Variants in GDAP2 observed in about 807,000 individuals in gnomAD.
The protein encoded by GDAP2 is ganglioside-induced differentiation-associated protein 2.
Under a neutral mutation model 67.0 loss-of-function variants are expected in GDAP2, and 51 were observed. That is an observed-to-expected ratio of 0.76 (90% CI 0.61 to 0.96). The LOEUF (loss-of-function observed/expected upper bound fraction) is 0.96. GDAP2 is among the 40% of genes least tolerant of loss of function. The probability of loss-of-function intolerance (pLI) is 0.00; values close to 1 mark genes in which losing one functional copy is unlikely to be tolerated. For missense variants in GDAP2, 547 were observed against 588.3 expected, an observed-to-expected ratio of 0.93 and a Z score of 0.73; for synonymous variants, 203 against 207.3, an observed-to-expected ratio of 0.98 and a Z score of 0.18.
chr1:117,884,918 A>T (rs997807179), intron 10 of GDAP2, among the ~76,000 whole-genome samples: 1 of 151,324 alleles, frequency 6.6e-6, no homozygotes, highest in Non-Finnish European at 1.5e-5. Flanking sequence ...GGTTTGGGAG[A>T]TCTTGCAACC....
At chr1:117,903,852 T>C (rs1205861702) in intron 6 of GDAP2, among the ~76,000 whole-genome samples, 1 of 152,148 alleles carries the variant, frequency 6.6e-6, no homozygotes, top group Non-Finnish European at 1.5e-5. Flanking sequence ...CAAAGATGAA[T>C]GTAAGGAGAC....
chr1:117,869,031 T>C lies in GDAP2; in HGVS notation c.*1538A>G, dbSNP rs965300144. 1 of 152,170 alleles carries C rather than the reference T, an allele frequency of 6.6e-6. No homozygotes were observed. Among genetic ancestry groups the C allele is most frequent in the Non-Finnish European group, 1.5e-5 (1 of 68,034 alleles). 9.4% of individuals were successfully genotyped at this position (152,170 alleles called of 1,614,324 possible). A position where few individuals can be genotyped will look rare whatever the true frequency, so the allele number is the denominator to read the frequency against. On this transcript the variant is annotated 3_prime_UTR_variant, in exon 14 of 14. Coordinates refer to ENST00000369443, the MANE Select transcript of GDAP2 (RefSeq NM_017686.4). ...TCATAAATGAAGAGAATATGTTTCT[T>C]TGATCTCCAATGAAGAATTAGTTTG...
chr1:117,899,096 G>T lies in GDAP2; in HGVS notation c.757C>A (p.Arg253=), dbSNP rs372395282. The change falls in exon 7 of 14, where the codon CGA becomes AGA. Residue 253 remains arginine (R), a synonymous_variant. Transcript: ENST00000369443. ...NAEGEPVVPE[R]QIRISEKPGA... ...GGTTTCTCACTTATTCTAATCTGTC[G>T]TTCAGGTACCACAGGCTCCCCTTCT... 1 of 1,613,034 alleles carries T rather than the reference G, an allele frequency of 6.2e-7. No homozygotes were observed. The highest frequency in any genetic ancestry group is 1.7e-5 in the Admixed American group (1 of 59,986).
intron 6 of GDAP2, among the ~76,000 whole-genome samples, chr1:117,904,032 G>A (rs1024390111): frequency 2.7e-5 from 4 of 148,022 alleles, no homozygotes; most frequent in African/African-American, 1.0e-4. Context: ...CTGTCACCCC[G>A]ACTAAAGTCA....
intron 1 of GDAP2, among the ~76,000 whole-genome samples, chr1:117,920,646 G>T (rs61806135): frequency 0.35 from 52,124 of 149,318 alleles, 10,592 homozygotes; most frequent in Non-Finnish European, 0.46. Context: ...TCTTTTCAAA[G>T]AATTACAGCC....
At chr1:117,928,585 A>G (rs1485092612) in intron 1 of GDAP2, among the ~76,000 whole-genome samples, 2 of 152,246 alleles carry the variant, frequency 1.3e-5, no homozygotes, top group African/African-American at 4.8e-5. Flanking sequence ...CTATGCTGCT[A>G]CAGCTGTCCA....
rs1648071399 is a variant in GDAP2, at chr1:117,866,661, C to T, written c.*3908G>A. ...CTGAGGTCAGGAATTCGAGAGCAGCCTGGCCAACATGGTGAAACCCCGTCT... is the reference window on the plus strand; with the variant it reads ...CTGAGGTCAGGAATTCGAGAGCAGCTTGGCCAACATGGTGAAACCCCGTCT... On this transcript the variant is annotated 3_prime_UTR_variant, in exon 14 of 14. Coordinates refer to ENST00000369443, the MANE Select transcript of GDAP2 (RefSeq NM_017686.4). The T allele has an allele frequency of 6.6e-6, 1 of 152,102 alleles. No homozygotes were observed. The highest frequency in any genetic ancestry group is 2.4e-5 in the African/African-American group (1 of 41,382). The allele number at this position is 152,102 out of a possible 1,614,324, so 9.4% of individuals were successfully genotyped here.
chr1:117,917,027 C>T (rs1650070895), intron 3 of GDAP2, among the ~76,000 whole-genome samples: 1 of 148,924 alleles, frequency 6.7e-6, no homozygotes, highest in South Asian at 2.1e-4. Context: ...GAGCAAGACT[C>T]TGTCTCAGGA....
intron 6 of GDAP2, among the ~76,000 whole-genome samples, 166 bp downstream of exon 6, chr1:117,906,340 C>T (rs1335752281): frequency 2.0e-5 from 3 of 152,126 alleles, no homozygotes; most frequent in African/African-American, 7.2e-5. Context: ...TTTTTAGTTT[C>T]CAATATAGTC....
At chr1:117,917,090 A>G (rs1280195980) in intron 3 of GDAP2, among the ~76,000 whole-genome samples, 1 of 152,044 alleles carries the variant, frequency 6.6e-6, no homozygotes, top group Non-Finnish European at 1.5e-5. Context: ...ATGCCATTTT[A>G]CTGAGACAGA....
chr1:117,912,186 C>A, intron 4 of GDAP2, 104 bp from the exon 5 acceptor site: 1 of 718,448 alleles, frequency 1.4e-6, no homozygotes. Flanking sequence ...TCCTTTCCTC[C>A]CTCTTCAACA....
At chr1:117,921,290 C>T (rs1650246738) in intron 1 of GDAP2, among the ~76,000 whole-genome samples, 1 of 152,086 alleles carries the variant, frequency 6.6e-6, no homozygotes, top group African/African-American at 2.4e-5. Context: ...CTATTCTAGG[C>T]ACTGGGCACA....
chr1:117,911,780 T>G (rs76971026), intron 5 of GDAP2, among the ~76,000 whole-genome samples: 3,664 of 151,824 alleles, frequency 0.024, 142 homozygotes, highest in African/African-American at 0.082. Flanking sequence ...CTTTTTTTTT[T>G]GAGATGAGGT....
chr1:117,924,488 A>T (rs1246727513), intron 1 of GDAP2, among the ~76,000 whole-genome samples: 2 of 152,220 alleles, frequency 1.3e-5, no homozygotes, highest in Non-Finnish European at 2.9e-5. Flanking sequence ...GAAGTTTTTC[A>T]GTATGGTTTT....
At chr1:117,924,469 G>GT (rs1650373693) in intron 1 of GDAP2, among the ~76,000 whole-genome samples, 1 of 152,136 alleles carries the variant, frequency 6.6e-6, no homozygotes, top group Admixed American at 6.6e-5. Context: ...ATCTCATGAA[G>GT]TTTTTTGAGA....
intron 6 of GDAP2, among the ~76,000 whole-genome samples, chr1:117,903,253 G>A (rs895615788): frequency 7.2e-5 from 11 of 151,812 alleles, no homozygotes; most frequent in Non-Finnish European, 1.6e-4. Flanking sequence ...TTTTCAATTC[G>A]GGTGCTTTTT....
intron 3 of GDAP2, among the ~76,000 whole-genome samples, chr1:117,916,181 A>C (rs1650039189): frequency 2.0e-5 from 3 of 152,192 alleles, no homozygotes; most frequent in African/African-American, 7.2e-5. Flanking sequence ...AGCACATACT[A>C]TGGGTGGTCT....
intron 5 of GDAP2, among the ~76,000 whole-genome samples, chr1:117,908,935 TA>T (rs1649755704): frequency 6.6e-6 from 1 of 152,224 alleles, no homozygotes; most frequent in African/African-American, 2.4e-5. Context: ...ATAATTATAT[TA>T]TTTCCTTTGG....
At chr1:117,885,971 AAATT>A (rs1344259963) in intron 10 of GDAP2, among the ~76,000 whole-genome samples, 1 of 152,154 alleles carries the variant, frequency 6.6e-6, no homozygotes, top group Non-Finnish European at 1.5e-5. Flanking sequence ...TTCAGAAATG[AAATT>A]AATAGATTAA....
Sources: allele counts gnomAD v4.1 joint callset (sites outside exome capture counted in the v4.1 genomes callset), GRCh38; gene constraint gnomAD v4.1.1; transcripts MANE v1.5; gene names NCBI Gene and HGNC (gene_info 2026-07-23, HGNC 2026-07-21).